The following KCTD16 variants were observed in gnomAD, a reference collection of about 807,000 sequenced individuals.
KCTD16 encodes the protein potassium channel tetramerization domain containing 16.
KCTD16 carries 13 observed loss-of-function variants against 33.2 expected under a neutral mutation model. The ratio of observed to expected loss-of-function variants is 0.39; its 90% CI spans 0.25 to 0.62. The LOEUF (loss-of-function observed/expected upper bound fraction) is 0.62. KCTD16 is among the 20% of genes least tolerant of loss of function. The pLI, the probability that KCTD16 is intolerant of heterozygous loss-of-function variation, is 0.50. For synonymous variants in KCTD16, 197 were observed against 195.3 expected (o/e 1.01, Z -0.07); for missense variants, 441 against 525.1 (o/e 0.84, Z 1.57).
chr5:144,377,368 A>C (rs1011640871), intron 3 of KCTD16, among the ~76,000 whole-genome samples: 7 of 152,232 alleles, frequency 4.6e-5, no homozygotes, highest in African/African-American at 1.7e-4. Flanking sequence ...AGGGCAGCTG[A>C]GACTCAGCTC....
intron 3 of KCTD16, among the ~76,000 whole-genome samples, chr5:144,390,166 C>T (rs1240202582): frequency 6.6e-6 from 1 of 152,190 alleles, no homozygotes; most frequent in Non-Finnish European, 1.5e-5. Flanking sequence ...GCCAATATAA[C>T]CATTTAGTAC....
At chr5:144,368,303 C>T (rs2398739) in intron 3 of KCTD16, among the ~76,000 whole-genome samples, 32,416 of 151,912 alleles carry the variant, frequency 0.21, 3,913 homozygotes, top group Non-Finnish European at 0.27. Context: ...TCTAGATAGG[C>T]CCAGCATAAT....
rs1038014161 is a variant in KCTD16 at position 144,479,939 on chromosome 5, G to A, written c.*5825G>A. 1 of 151,686 alleles carries A rather than the reference G, an allele frequency of 6.6e-6. No individual in the cohort carries two copies. Among genetic ancestry groups the A allele is most frequent in the African/African-American group, 2.4e-5 (1 of 41,324 alleles). The allele number at this position is 151,686 out of a possible 1,614,324, so 9.4% of individuals were successfully genotyped here. A position where few individuals can be genotyped will look rare whatever the true frequency, so the allele number is the denominator to read the frequency against. Reference sequence around the variant, plus strand: ...TAAAACACTTATATGCCAACCAGAGGGTTTATTAAGTCTCTTGTCTCCAGC... The same window carrying A: ...TAAAACACTTATATGCCAACCAGAGAGTTTATTAAGTCTCTTGTCTCCAGC... On this transcript the variant is annotated 3_prime_UTR_variant, in exon 4 of 4. Coordinates refer to ENST00000512467, the MANE Select transcript of KCTD16 (RefSeq NM_020768.4).
rs766472889 is a variant in KCTD16 at position 144,243,493 on chromosome 5, T to G, written c.832+35947T>G. 2.6e-4 allele frequency among the ~76,000 whole-genome samples: 40 copies of G among 152,324 alleles called. 1 individual carries two copies. Among genetic ancestry groups the G allele is most frequent in the Middle Eastern group, 6.8e-3 (2 of 294 alleles). ...CCCATGTGTATTTGTTTATGTTGTG[T>G]ATCTGTTCTATCTTTTTGTTATCCT... On this transcript the variant is annotated intron_variant, in intron 3 of 3. Transcript: ENST00000512467.
At chr5:144,403,130 GAT>G (rs1752739303) in intron 3 of KCTD16, among the ~76,000 whole-genome samples, 1 of 152,116 alleles carries the variant, frequency 6.6e-6, no homozygotes, top group South Asian at 2.1e-4. Flanking sequence ...GGCACACCTG[GAT>G]AATCCAGGGT....
intron 2 of KCTD16, among the ~76,000 whole-genome samples, chr5:144,197,153 A>T (rs1752954382): frequency 6.6e-6 from 1 of 152,250 alleles, no homozygotes; most frequent in African/African-American, 2.4e-5. Context: ...CCTTGACAAA[A>T]TACTTTTTCA....
chr5:144,337,874 T>A (rs1752529603), intron 3 of KCTD16, among the ~76,000 whole-genome samples: 1 of 152,174 alleles, frequency 6.6e-6, no homozygotes, highest in African/African-American at 2.4e-5. Flanking sequence ...GCTTGCCACT[T>A]ACTGTGTAGC....
intron 3 of KCTD16, among the ~76,000 whole-genome samples, chr5:144,267,170 A>G (rs1381911867): frequency 6.6e-6 from 1 of 152,210 alleles, no homozygotes; most frequent in Non-Finnish European, 1.5e-5. Flanking sequence ...TCCTTACAGA[A>G]GATGAATAAG....
At chr5:144,185,500 G>A (rs1399499169) in intron 2 of KCTD16, among the ~76,000 whole-genome samples, 1 of 152,048 alleles carries the variant, frequency 6.6e-6, no homozygotes, top group Non-Finnish European at 1.5e-5. Context: ...GGCTCTGGTT[G>A]AGCTTCATGT....
chr5:144,246,663 G>C (rs1325309403), intron 3 of KCTD16, among the ~76,000 whole-genome samples: 1 of 152,050 alleles, frequency 6.6e-6, no homozygotes, highest in Admixed American at 6.5e-5. Context: ...CATTGACAAG[G>C]TACCATCATT....
chr5:144,306,813 C>A (rs1751614357), intron 3 of KCTD16, among the ~76,000 whole-genome samples: 1 of 152,172 alleles, frequency 6.6e-6, no homozygotes, highest in Non-Finnish European at 1.5e-5. Context: ...GGATTAGATA[C>A]TCCAGTTATT....
At chr5:144,282,337 C>T (rs1203551386) in intron 3 of KCTD16, among the ~76,000 whole-genome samples, 1 of 151,954 alleles carries the variant, frequency 6.6e-6, no homozygotes, top group Non-Finnish European at 1.5e-5. Context: ...AAACTTCATG[C>T]CCCTTCCCAC....
chr5:144,306,556 G>T (rs1751607441), intron 3 of KCTD16, among the ~76,000 whole-genome samples: 1 of 152,200 alleles, frequency 6.6e-6, no homozygotes, highest in Non-Finnish European at 1.5e-5. Context: ...TTATCATGCA[G>T]TGGGCTTTAC....
intron 3 of KCTD16, among the ~76,000 whole-genome samples, chr5:144,338,398 C>T (rs1021194833): frequency 7.2e-5 from 11 of 152,150 alleles, no homozygotes; most frequent in African/African-American, 2.7e-4. Flanking sequence ...TCAAGTTTTT[C>T]GATCTTTCTG....
intron 2 of KCTD16, among the ~76,000 whole-genome samples, chr5:144,203,245 T>C (rs1753082910): frequency 6.6e-6 from 1 of 152,068 alleles, no homozygotes; most frequent in African/African-American, 2.4e-5. Flanking sequence ...ATATTAATAC[T>C]CTTTTTAAGA....
At chr5:144,178,284 C>T (rs1280898613) in intron 2 of KCTD16, among the ~76,000 whole-genome samples, 1 of 152,020 alleles carries the variant, frequency 6.6e-6, no homozygotes, top group Non-Finnish European at 1.5e-5. Flanking sequence ...TGAAGTAGAA[C>T]TATAAAAGTA....
rs1052241880 is a variant in KCTD16, at chr5:144,482,513, G to C, written c.*8399G>C. Reference sequence around the variant, plus strand: ...TGTGTTTATGCATGAGTGTATCTAGGTATCTGCTATTTTCATCTTTTGGCT... The same window carrying C: ...TGTGTTTATGCATGAGTGTATCTAGCTATCTGCTATTTTCATCTTTTGGCT... On this transcript the variant is annotated 3_prime_UTR_variant, in exon 4 of 4. Coordinates refer to ENST00000512467, the MANE Select transcript of KCTD16 (RefSeq NM_020768.4). 4.0e-5 allele frequency: 6 copies of C among 151,794 alleles called. No homozygotes were observed. The highest frequency in any genetic ancestry group is 1.2e-4 in the African/African-American group (5 of 41,356). The allele number at this position is 151,794 out of a possible 1,614,324, so 9.4% of individuals were successfully genotyped here.
chr5:144,242,694 T>C (rs1754437994), intron 3 of KCTD16, among the ~76,000 whole-genome samples: 1 of 152,166 alleles, frequency 6.6e-6, no homozygotes, highest in Admixed American at 6.6e-5. Context: ...AGGCTGCCTC[T>C]ACTCATGGCT....
At chr5:144,186,628 T>C (rs1387262233) in intron 2 of KCTD16, among the ~76,000 whole-genome samples, 1 of 152,198 alleles carries the variant, frequency 6.6e-6, no homozygotes, top group African/African-American at 2.4e-5. Flanking sequence ...AAGGCCAAAC[T>C]GTTTTCCAGG....
Sources: gnomAD v4.1 joint callset for allele counts (sites outside exome capture counted in the v4.1 genomes callset) on GRCh38, gnomAD v4.1.1 for gene constraint, MANE v1.5 for transcripts, NCBI Gene and HGNC (gene_info 2026-07-23, HGNC 2026-07-21) for gene names.